KALRN: variants seen among roughly 807,000 people sequenced by gnomAD.
The protein encoded by KALRN is kalirin.
In KALRN, 70 loss-of-function variants were observed where a neutral mutation model predicts 353.7. That is an observed-to-expected ratio of 0.20 (90% CI 0.16 to 0.24). The LOEUF (loss-of-function observed/expected upper bound fraction) is 0.24, where lower values mean the gene tolerates loss of function less well. Among genes scored for constraint, KALRN ranks in the 10% least tolerant of loss-of-function variants. The pLI is 1.00. For missense variants in KALRN, 2,791 were observed against 3,756.7 expected, an observed-to-expected ratio of 0.74 and a Z score of 6.72; for synonymous variants, 1,391 against 1,434.8, an observed-to-expected ratio of 0.97 and a Z score of 0.69.
intron 59 of KALRN, among the ~76,000 whole-genome samples, chr3:124,718,320 A>T (rs944613187): frequency 6.6e-6 from 1 of 150,924 alleles, no homozygotes; most frequent in Non-Finnish European, 1.5e-5. Context: ...ATGGGGTTTC[A>T]ACATCTTGGC....
chr3:124,047,001 T>C (rs1577534073), intron 1 of KALRN, among the ~76,000 whole-genome samples: 1 of 150,368 alleles, frequency 6.7e-6, no homozygotes, highest in South Asian at 2.1e-4. Flanking sequence ...TTTTTTTTTT[T>C]CTGTCGACAG....
At chr3:124,467,334 T>C (rs1370938512) in intron 25 of KALRN, among the ~76,000 whole-genome samples, 1 of 152,128 alleles carries the variant, frequency 6.6e-6, no homozygotes, top group African/African-American at 2.4e-5. Flanking sequence ...GGTGGCTAGA[T>C]TGGAGATGAA....
chr3:124,460,778 A>G (rs2059777463), intron 23 of KALRN, among the ~76,000 whole-genome samples: 1 of 152,228 alleles, frequency 6.6e-6, no homozygotes, highest in Admixed American at 6.5e-5. Context: ...AGTTCAATTC[A>G]AAGAACAGAA....
At chr3:124,290,223 C>G (rs978607472) in intron 5 of KALRN, among the ~76,000 whole-genome samples, 8 of 152,208 alleles carry the variant, frequency 5.3e-5, no homozygotes, top group Admixed American at 3.9e-4. Context: ...AGACACTCAT[C>G]ATGTCTGAAG....
Position 124,120,709 on chromosome 3 carries a change from AAAAT to A in KALRN, c.73+86898_73+86901del, listed in dbSNP as rs1205368901. ...ACTTACAATCCAGATAGGAATACTA[AAAAT>A]ATATATATATATATATATATATATA... On this transcript the variant is annotated intron_variant, in intron 1 of 59. Coordinates refer to ENST00000682506, the MANE Select transcript of KALRN (RefSeq NM_001388419.1). Among the ~76,000 whole-genome samples the A allele has an allele frequency of 1.9e-3, 210 of 112,742 alleles. 7 individuals are homozygous for A. Among genetic ancestry groups the A allele is most frequent in the African/African-American group, 6.8e-3 (174 of 25,632 alleles). The allele number at this position is 112,742 out of a possible 152,430, so 74.0% of individuals were successfully genotyped here.
At chr3:124,422,585 C>T (rs142159376) in intron 14 of KALRN, among the ~76,000 whole-genome samples, 4 of 152,222 alleles carry the variant, frequency 2.6e-5, no homozygotes, top group East Asian at 1.9e-4. Context: ...ACTGATCATC[C>T]GTTGACTCCT....
intron 1 of KALRN, among the ~76,000 whole-genome samples, chr3:124,179,897 T>C (rs1400217954): frequency 2.6e-5 from 4 of 152,238 alleles, no homozygotes; most frequent in African/African-American, 9.6e-5. Flanking sequence ...CGAGGCTGGC[T>C]GCCAGTAACT....
At chr3:124,383,792 A>T (rs1220275681) in intron 10 of KALRN, among the ~76,000 whole-genome samples, 3 of 152,188 alleles carry the variant, frequency 2.0e-5, no homozygotes. Context: ...AAGTGAGCCC[A>T]AAACACTCCT....
At chr3:124,459,685 T>G (rs2059666921) in intron 23 of KALRN, among the ~76,000 whole-genome samples, 1 of 152,208 alleles carries the variant, frequency 6.6e-6, no homozygotes, top group Non-Finnish European at 1.5e-5. Flanking sequence ...GTAACACATA[T>G]CTAGAGATTT....
intron 37 of KALRN, among the ~76,000 whole-genome samples, chr3:124,642,814 T>TTGTTGTTGTTTTTTTTTTTTTG (rs1295983829): frequency 4.9e-5 from 5 of 102,208 alleles, no homozygotes; most frequent in Admixed American, 1.1e-4. Context: ...TCGTTTTTTT[T>TTGTTGTTGTTTTTTTTTTTTTG]TTTTTTTTTT....
chr3:124,397,537 A>G (rs555558340), intron 12 of KALRN, among the ~76,000 whole-genome samples: 1 of 152,326 alleles, frequency 6.6e-6, no homozygotes, highest in East Asian at 1.9e-4. Flanking sequence ...AGAAGCTAAG[A>G]TGTCACAAGA....
At chr3:124,385,715 G>A (rs1017710611) in intron 11 of KALRN, among the ~76,000 whole-genome samples, 2 of 152,132 alleles carry the variant, frequency 1.3e-5, no homozygotes, top group Non-Finnish European at 2.9e-5. Flanking sequence ...ATTATGTTAA[G>A]CTGCGGCAAG....
At chr3:124,547,742 G>A (rs1375182348) in intron 33 of KALRN, among the ~76,000 whole-genome samples, 1 of 151,690 alleles carries the variant, frequency 6.6e-6, no homozygotes. Flanking sequence ...TTATGGTTGT[G>A]CCCCTCCCCA....
chr3:124,525,326 G>T (rs1379751632), intron 33 of KALRN, among the ~76,000 whole-genome samples: 1 of 152,148 alleles, frequency 6.6e-6, no homozygotes, highest in African/African-American at 2.4e-5. Context: ...TATCTGTAAG[G>T]ATGTCCAGTG....
rs192079711 is a variant in KALRN, at chr3:124,261,091, C to T, written c.264-3407C>T. ...TTTGAGTAGAGATGGAGTTTCACCA[C>T]GCCGGCCAGGCTGGTCTCGAACTTC... On this transcript the variant is annotated intron_variant, in intron 3 of 59. Transcript: ENST00000682506. 6.0e-5 allele frequency among the ~76,000 whole-genome samples: 9 copies of T among 149,974 alleles called. 1 individual carries two copies. The highest frequency in any genetic ancestry group is 1.5e-4 in the African/African-American group (6 of 40,662).
chr3:124,184,456 C>T (rs1354533999), intron 1 of KALRN, among the ~76,000 whole-genome samples: 5 of 152,194 alleles, frequency 3.3e-5, no homozygotes, highest in African/African-American at 9.6e-5. Context: ...ATTCCCAACT[C>T]GTTAGCCTAG....
chr3:124,599,828 A>G (rs1327681869), intron 34 of KALRN, among the ~76,000 whole-genome samples: 1 of 152,198 alleles, frequency 6.6e-6, no homozygotes, highest in Non-Finnish European at 1.5e-5. Flanking sequence ...TGGTTTAGAA[A>G]TTCTACCCCT....
intron 38 of KALRN, among the ~76,000 whole-genome samples, chr3:124,654,813 T>A (rs2083822041): frequency 6.6e-6 from 1 of 151,196 alleles, no homozygotes; most frequent in South Asian, 2.1e-4. Flanking sequence ...TGCATTTTCA[T>A]TTATATAAAA....
chr3:124,659,534 G>T, intron 43 of KALRN, 77 bp downstream of exon 43: 1 of 987,892 alleles, frequency 1.0e-6, no homozygotes, highest in South Asian at 1.3e-5. Flanking sequence ...TAGGGGTAGA[G>T]CTAGCGGTTC....
Sources: gnomAD v4.1 joint callset for allele counts (sites outside exome capture counted in the v4.1 genomes callset) on GRCh38, gnomAD v4.1.1 for gene constraint, MANE v1.5 for transcripts, NCBI Gene and HGNC (gene_info 2026-07-23, HGNC 2026-07-21) for gene names.